ZDHHC1: variants seen among roughly 807,000 people sequenced by gnomAD.
The protein encoded by ZDHHC1 is zDHHC palmitoyltransferase 1.
A neutral mutation model predicts 46.9 loss-of-function variants in ZDHHC1; 45 were observed. The ratio of observed to expected loss-of-function variants is 0.96; its 90% confidence interval spans 0.76 to 1.23. The LOEUF (loss-of-function observed/expected upper bound fraction) is 1.23, where lower values mean the gene tolerates loss of function less well. ZDHHC1 is among the 50% of genes most tolerant of loss of function. The probability of loss-of-function intolerance (pLI) is 0.00; values close to 1 mark genes in which losing one functional copy is unlikely to be tolerated. For synonymous variants in ZDHHC1, 291 were observed against 286.0 expected (o/e 1.02, Z -0.18); for missense variants, 649 against 670.8 (o/e 0.97, Z 0.36).
intron 8 of ZDHHC1, 37 bp downstream of exon 8, chr16:67,398,175 C>CA (rs759834835): frequency 1.8e-5 from 28 of 1,598,190 alleles, no homozygotes; most frequent in South Asian, 1.2e-4. Context: ...CAACACCCCC[C>CA]ACACCCAGGC....
At position 67,398,513 on chromosome 16, in the gene ZDHHC1, G is replaced by A. The variant is rs2040477437; in HGVS notation, c.814+60C>T. ...GTTTCAGGGTCCACCGTCCAACTGG[G>A]CACCTTCCTGCAATCTGAGGACCCC... On this transcript the variant is annotated intron_variant, in intron 7 of 11. Transcript: ENST00000565726. 6 of 1,546,794 alleles carry A rather than the reference G, an allele frequency of 3.9e-6. No individual in the cohort carries two copies. The African/African-American group carries it at 5.4e-5, about 14-fold the overall frequency.
In ZDHHC1 at chr16:67,395,396, C is replaced by T. The variant is rs138004179; in HGVS notation, c.1010+88G>A. 1,928 of 1,534,796 alleles carry T rather than the reference C, an allele frequency of 1.3e-3. 20 individuals are homozygous for T. The African/African-American group carries it at 0.023, about 18-fold the overall frequency. Reference sequence around the variant, plus strand: ...TCAGAGAAGGGCCTGACCCATGCCCCGACCTTAGCCTACCCCCTTCTCCTG... The same window carrying T: ...TCAGAGAAGGGCCTGACCCATGCCCTGACCTTAGCCTACCCCCTTCTCCTG... On this transcript the variant is annotated intron_variant, in intron 9 of 11. Transcript: ENST00000565726.
At position 67,395,552 on chromosome 16, in the gene ZDHHC1, G is replaced by T; in HGVS notation, c.942C>A (p.Tyr314Ter). ...GGCGCATATGTCTGAAGGTCCGCATGTAGAACTCCATCTCCTGGGGAAGGT... is the reference window on the plus strand; with the variant it reads ...GGCGCATATGTCTGAAGGTCCGCATTTAGAACTCCATCTCCTGGGGAAGGT... Reference protein sequence around the residue: ...KMRPIQEMEFYMRTFRHMRPE... With the variant: ...KMRPIQEMEF The change falls in exon 9 of 12, where the codon TAC becomes TAA. Residue 314 changes from tyrosine to a stop codon, truncating the protein, a stop_gained. Coordinates refer to ENST00000565726, the MANE Select transcript of ZDHHC1 (RefSeq NM_001323627.2). LOFTEE classifies it high-confidence loss of function. 6.4e-7 allele frequency: 1 copy of T among 1,553,946 alleles called. No homozygotes were observed. Among genetic ancestry groups the T allele is most frequent in the Non-Finnish European group, 8.7e-7 (1 of 1,148,116 alleles).
chr16:67,406,514 A>G lies in ZDHHC1; in HGVS notation c.10-72T>C. 6.9e-7 allele frequency: 1 copy of G among 1,443,490 alleles called. No individual in the cohort carries two copies. 89.4% of individuals were successfully genotyped at this position (1,443,490 alleles called of 1,614,324 possible). On this transcript the variant is annotated intron_variant, in intron 2 of 11. Coordinates refer to ENST00000565726, the MANE Select transcript of ZDHHC1 (RefSeq NM_001323627.2). The surrounding 1 kb of genome is among the most constrained non-coding windows in gnomAD (Gnocchi z 4.1). ...GCTGGAGCCCAGGGCCTGTGTCTGC[A>G]GCCAAGTTTCAGCACAGGGGGAGTA...
intron 4 of ZDHHC1, 44 bp from the exon 5 acceptor site, chr16:67,399,500 C>G (rs776096839): frequency 2.0e-6 from 3 of 1,537,796 alleles, no homozygotes; most frequent in African/African-American, 1.4e-5. Context: ...GCTCATTCCC[C>G]GCTCTGCGGC....
At chr16:67,407,523 G>A (rs1052975688) in intron 2 of ZDHHC1, among the ~76,000 whole-genome samples, 1 of 152,204 alleles carries the variant, frequency 6.6e-6, no homozygotes, top group Non-Finnish European at 1.5e-5. Flanking sequence ...TCCACAGAAT[G>A]AGGCTTGATC....
In ZDHHC1 at chr16:67,401,313, G is replaced by A. The variant is rs1194103243; in HGVS notation, c.253-181C>T. Among the ~76,000 whole-genome samples, 1 of 152,176 alleles carries A rather than the reference G, an allele frequency of 6.6e-6. No individual in the cohort carries two copies. Among genetic ancestry groups the A allele is most frequent in the Non-Finnish European group, 1.5e-5 (1 of 68,028 alleles). On this transcript the variant is annotated intron_variant, in intron 3 of 11. Coordinates refer to ENST00000565726, the MANE Select transcript of ZDHHC1 (RefSeq NM_001323627.2). The surrounding 1 kb of genome is among the most constrained non-coding windows in gnomAD (Gnocchi z 4.6). ...TCAGACCTCTCCAGGTAACCCCTATGCCCCAAATGGAAAGAGGGAGAGGCC... is the reference window on the plus strand; with the variant it reads ...TCAGACCTCTCCAGGTAACCCCTATACCCCAAATGGAAAGAGGGAGAGGCC...
At chr16:67,405,053 C>G (rs2040628549) in intron 3 of ZDHHC1, among the ~76,000 whole-genome samples, 1 of 152,186 alleles carries the variant, frequency 6.6e-6, no homozygotes, top group Non-Finnish European at 1.5e-5. Context: ...CAGGGAAAGT[C>G]CAGTTTTCCA....
chr16:67,398,758 A>G (rs750754097), intron 6 of ZDHHC1, 27 bp from the exon 7 acceptor site: 13 of 1,611,292 alleles, frequency 8.1e-6, no homozygotes, highest in Non-Finnish European at 1.1e-5. Context: ...GTGTGTGCTC[A>G]GCCGGGGACG....
At chr16:67,402,272 G>GT (rs2040566403) in intron 3 of ZDHHC1, among the ~76,000 whole-genome samples, 1 of 152,182 alleles carries the variant, frequency 6.6e-6, no homozygotes, top group South Asian at 2.1e-4. Flanking sequence ...TGGTCTCAGA[G>GT]TAAGTTTTTA....
At chr16:67,399,496 T>G in intron 4 of ZDHHC1, 40 bp from the exon 5 acceptor site, 1 of 1,550,084 alleles carries the variant, frequency 6.5e-7, no homozygotes, top group Non-Finnish European at 8.8e-7. Context: ...GCCGGCTCAT[T>G]CCCCGCTCTG....
intron 3 of ZDHHC1, among the ~76,000 whole-genome samples, chr16:67,403,248 T>C (rs1346000523): frequency 1.3e-5 from 2 of 152,240 alleles, no homozygotes; most frequent in Non-Finnish European, 2.9e-5. Context: ...TTCTGGCTTC[T>C]CAAAAGGAAC....
At chr16:67,399,058 A>T in intron 5 of ZDHHC1, 114 bp from the exon 6 acceptor site, 6 of 1,377,766 alleles carry the variant, frequency 4.4e-6, no homozygotes, top group African/African-American at 2.9e-5. Context: ...GGGTGACCCC[A>T]CAGCCCCAAC....
At chr16:67,414,928 G>A (rs947391617) in intron 1 of ZDHHC1, among the ~76,000 whole-genome samples, 2 of 152,174 alleles carry the variant, frequency 1.3e-5, no homozygotes, top group Non-Finnish European at 2.9e-5. Flanking sequence ...CCTGAGGTCA[G>A]GAGTTCAAGA....
intron 1 of ZDHHC1, among the ~76,000 whole-genome samples, chr16:67,412,207 C>T (rs1412137246): frequency 6.6e-6 from 1 of 152,004 alleles, no homozygotes; most frequent in African/African-American, 2.4e-5. Context: ...AAACCAAACA[C>T]AGGAGCATCC....
At chr16:67,400,400 C>T (rs1229658906) in intron 4 of ZDHHC1, among the ~76,000 whole-genome samples, 1 of 152,220 alleles carries the variant, frequency 6.6e-6, no homozygotes, top group Non-Finnish European at 1.5e-5. Context: ...TCCATGTTAG[C>T]AGAGGGACCT....
Position 67,401,172 on chromosome 16 carries a change from T to G in ZDHHC1, c.253-40A>C. On this transcript the variant is annotated intron_variant, in intron 3 of 11. Transcript: ENST00000565726. This position sits in a 1 kb window ranked among gnomAD's most constrained non-coding sequence, Gnocchi z 4.6. The stretch of plus-strand genomic sequence containing the variant: ...TAAAGACTCACTCCACTCTGCCGGC[T>G]GGGAGTCCTGCCCCGTTCCTTGCAG... 6.2e-7 allele frequency: 1 copy of G among 1,605,228 alleles called. No individual in the cohort carries two copies. The highest frequency in any genetic ancestry group is 8.5e-7 in the Non-Finnish European group (1 of 1,176,516).
Position 67,394,267 on chromosome 16 carries a change from T to C in ZDHHC1, c.*343A>G, listed in dbSNP as rs1393401096. Among the ~76,000 whole-genome samples, 1 of 152,106 alleles carries C rather than the reference T, an allele frequency of 6.6e-6. No individual in the cohort carries two copies. Among genetic ancestry groups the C allele is most frequent in the African/African-American group, 2.4e-5 (1 of 41,426 alleles). On this transcript the variant is annotated 3_prime_UTR_variant, in exon 12 of 12. Transcript: ENST00000565726. ...TCCTCCAGGCCGCCTTCTAAGGCCT[T>C]TCCTAACCACGAGCCGCACGTGAGC...
At chr16:67,395,812 C>T (rs1567514851) in intron 8 of ZDHHC1, 1 of 540,836 alleles carries the variant, frequency 1.8e-6, no homozygotes, top group Non-Finnish European at 3.3e-6. Context: ...CAGGAAGGCT[C>T]CCAGCCCCCA....
Sources: gnomAD v4.1 joint callset for allele counts (sites outside exome capture counted in the v4.1 genomes callset) on GRCh38, gnomAD v4.1.1 for gene constraint, Gnocchi (gnomAD v3.1) non-coding constraint, MANE v1.5 for transcripts, NCBI Gene and HGNC (gene_info 2026-07-23, HGNC 2026-07-21) for gene names.